Variants in GSAP observed in about 807,000 individuals in gnomAD.
GSAP encodes the protein gamma-secretase-activating protein.
Under a neutral mutation model 131.7 loss-of-function variants are expected in GSAP, and 118 were observed. That is an observed-to-expected ratio of 0.90 (90% CI 0.77 to 1.04). GSAP has a LOEUF of 1.04. Among genes scored for constraint, GSAP ranks in the 50% least tolerant of loss-of-function variants. The pLI is 0.00. For missense variants in GSAP, 1,019 were observed against 1,013.2 expected (o/e 1.01, Z -0.08); for synonymous variants, 381 against 363.4 (o/e 1.05, Z -0.55).
intron 20 of GSAP, chr7:77,329,737 ATGTG>A (rs370060253): frequency 5.9e-5 from 10 of 170,936 alleles, no homozygotes; most frequent in South Asian, 4.9e-4. Context: ...CATTGGCACA[ATGTG>A]TGTGTGTCAT....
rs1562874130 is a variant in GSAP at position 77,311,435 on chromosome 7, C to CA, written c.2487dup (p.Glu830Ter). On this transcript the variant is annotated frameshift_variant, in exon 31 of 31. Coordinates refer to ENST00000257626, the MANE Select transcript of GSAP (RefSeq NM_017439.4). LOFTEE classifies it high-confidence loss of function. Reference sequence around the variant, plus strand: ...TCTGCATCCACATTGTCATGTCCTTCAAAAGGATACAGGGCTGGAAAAAAA... The same window carrying CA: ...TCTGCATCCACATTGTCATGTCCTTCAAAAAGGATACAGGGCTGGAAAAAAA... 3 of 1,606,424 alleles carry CA rather than the reference C, an allele frequency of 1.9e-6. No homozygotes were observed. Among genetic ancestry groups the CA allele is most frequent in the Non-Finnish European group, 2.6e-6 (3 of 1,173,442 alleles).
intron 3 of GSAP, among the ~76,000 whole-genome samples, chr7:77,402,642 G>A (rs1801563660): frequency 8.1e-6 from 1 of 123,334 alleles, no homozygotes; most frequent in Non-Finnish European, 1.8e-5. Flanking sequence ...TCTAGATTTG[G>A]TATACAAATC....
chr7:77,311,595 C>T, intron 30 of GSAP, 146 bp from the exon 31 acceptor site: 3 of 600,636 alleles, frequency 5.0e-6, no homozygotes, highest in Non-Finnish European at 8.9e-6. Context: ...ATTTAAACTT[C>T]AGCACCAAGA....
chr7:77,321,947 T>C (rs1217870238), intron 24 of GSAP, among the ~76,000 whole-genome samples: 2 of 152,224 alleles, frequency 1.3e-5, no homozygotes, highest in Admixed American at 6.5e-5. Flanking sequence ...TTTGTAAGAA[T>C]TGGTTAGCAC....
intron 1 of GSAP, among the ~76,000 whole-genome samples, chr7:77,407,764 A>G (rs1040297520): frequency 1.3e-5 from 2 of 152,218 alleles, no homozygotes; most frequent in Non-Finnish European, 2.9e-5. Flanking sequence ...ACTTGTACAT[A>G]TATCTTCAAA....
intron 1 of GSAP, among the ~76,000 whole-genome samples, chr7:77,413,820 T>C (rs1180536376): frequency 6.6e-6 from 1 of 151,728 alleles, no homozygotes; most frequent in Non-Finnish European, 1.5e-5. Flanking sequence ...TGCTCTGTTT[T>C]TAAGCTGGGT....
chr7:77,396,915 A>G, intron 5 of GSAP, 67 bp downstream of exon 5: 2 of 754,726 alleles, frequency 2.6e-6, no homozygotes, highest in Non-Finnish European at 4.4e-6. Flanking sequence ...TTGATTTGGT[A>G]GTATAATAAA....
chr7:77,354,391 C>T (rs2150864888), intron 16 of GSAP, among the ~76,000 whole-genome samples: 1 of 152,208 alleles, frequency 6.6e-6, no homozygotes, highest in Middle Eastern at 3.4e-3. Context: ...AGGCATGTCT[C>T]TAAAACACTA....
At chr7:77,398,427 G>A (rs944485306) in intron 3 of GSAP, among the ~76,000 whole-genome samples, 3 of 152,048 alleles carry the variant, frequency 2.0e-5, no homozygotes, top group Non-Finnish European at 4.4e-5. Flanking sequence ...TTATTACTAA[G>A]AAGAATCTAA....
intron 1 of GSAP, among the ~76,000 whole-genome samples, chr7:77,414,008 T>C (rs775433526): frequency 4.6e-5 from 7 of 152,204 alleles, no homozygotes; most frequent in Admixed American, 1.3e-4. Context: ...AGTAACCAAA[T>C]CTGTTCTCCT....
At chr7:77,405,545 T>C (rs1456747177) in intron 2 of GSAP, among the ~76,000 whole-genome samples, 3 of 152,174 alleles carry the variant, frequency 2.0e-5, no homozygotes, top group African/African-American at 7.2e-5. Context: ...AAAAAATTTT[T>C]TTTTCTTTTT....
chr7:77,311,710 G>A (rs1421372093), intron 30 of GSAP, 131 bp downstream of exon 30: 4 of 610,546 alleles, frequency 6.6e-6, no homozygotes, highest in Non-Finnish European at 1.2e-5. Flanking sequence ...TACTGCTAAT[G>A]TAAACCAATT....
intron 8 of GSAP, among the ~76,000 whole-genome samples, chr7:77,378,773 C>A (rs893587955): frequency 6.6e-6 from 1 of 151,964 alleles, no homozygotes; most frequent in Non-Finnish European, 1.5e-5. Context: ...CAGCTGACCT[C>A]GAAATAATTT....
At chr7:77,323,773 C>T in intron 23 of GSAP, 31 bp from the exon 24 acceptor site, 1 of 1,036,816 alleles carries the variant, frequency 9.6e-7, no homozygotes. Flanking sequence ...AAATAAGTCA[C>T]AGCCTACCCA....
chr7:77,335,020 T>C (rs895190715), intron 19 of GSAP, among the ~76,000 whole-genome samples: 1 of 151,834 alleles, frequency 6.6e-6, no homozygotes, highest in Non-Finnish European at 1.5e-5. Flanking sequence ...GAGGCAGAGC[T>C]TGCAGTGAGC....
At chr7:77,320,017 G>A (rs1412056294) in intron 26 of GSAP, among the ~76,000 whole-genome samples, 2 of 94,986 alleles carry the variant, frequency 2.1e-5, no homozygotes, top group Non-Finnish European at 4.0e-5. Flanking sequence ...TGTTAAGAGG[G>A]TAGGTCTCAA....
intron 5 of GSAP, among the ~76,000 whole-genome samples, chr7:77,390,866 T>TG (rs1799356579): frequency 6.9e-6 from 1 of 144,434 alleles, no homozygotes; most frequent in Non-Finnish European, 1.5e-5. Context: ...GGAGACTCGC[T>TG]TGAAACCAGG....
chr7:77,312,357 T>TCC (rs1794479874), intron 28 of GSAP, among the ~76,000 whole-genome samples, 155 bp from the exon 29 acceptor site: 2 of 152,228 alleles, frequency 1.3e-5, no homozygotes, highest in East Asian at 1.9e-4. Context: ...AATGCCATGT[T>TCC]CCTATGAAGT....
intron 16 of GSAP, among the ~76,000 whole-genome samples, chr7:77,354,682 T>A (rs1410081936): frequency 6.6e-6 from 1 of 151,862 alleles, no homozygotes; most frequent in Non-Finnish European, 1.5e-5. Context: ...AATGTCTTTT[T>A]TTTTTTTTTT....
Sources: gnomAD v4.1 joint callset for allele counts (sites outside exome capture counted in the v4.1 genomes callset) on GRCh38, gnomAD v4.1.1 for gene constraint, MANE v1.5 for transcripts, NCBI Gene and HGNC (gene_info 2026-07-23, HGNC 2026-07-21) for gene names.